Variants in ACTN2 observed in about 807,000 individuals in gnomAD.
The protein encoded by ACTN2 is alpha-actinin-2.
Under a neutral mutation model 113.8 loss-of-function variants are expected in ACTN2, and 39 were observed. The ratio of observed to expected loss-of-function variants is 0.34; its 90% CI spans 0.27 to 0.45. The LOEUF (loss-of-function observed/expected upper bound fraction) is 0.45, where lower values mean the gene tolerates loss of function less well. ACTN2 is among the 20% of genes least tolerant of loss of function. ACTN2 has a pLI of 1.00. For synonymous variants in ACTN2, 429 were observed against 444.1 expected (o/e 0.97, Z 0.43); for missense variants, 992 against 1,177.9 (o/e 0.84, Z 2.31).
In ACTN2 at chr1:236,731,326, A is replaced by G. The variant is rs1658706939; in HGVS notation, c.697+12A>G. 1 of 1,609,588 alleles carries G rather than the reference A, an allele frequency of 6.2e-7. No individual in the cohort carries two copies. The highest frequency in any genetic ancestry group is 8.5e-7 in the Non-Finnish European group (1 of 1,175,898). On this transcript the variant is annotated intron_variant, in intron 7 of 20. Transcript: ENST00000366578. ...GTTGGATGCTGAAGGTGAGATGAAA[A>G]TTGTGTTTGCTGAGTTACAGGAAAT...
At position 236,754,934 on chromosome 1, in the gene ACTN2, G is replaced by T; in HGVS notation, c.1975-85G>T. The T allele has an allele frequency of 1.3e-6, 2 of 1,531,280 alleles. No homozygotes were observed. The highest frequency in any genetic ancestry group is 2.2e-5 in the East Asian group (1 of 44,454). 94.9% of individuals were successfully genotyped at this position (1,531,280 alleles called of 1,614,324 possible). A position where few individuals can be genotyped will look rare whatever the true frequency, so the allele number is the denominator to read the frequency against. On this transcript the variant is annotated intron_variant, in intron 16 of 20. Transcript: ENST00000366578. This position sits in a 1 kb window ranked among gnomAD's most constrained non-coding sequence, Gnocchi z 4.9. Reference sequence around the variant, plus strand: ...GACGCTGGCCTAGCATCCCATGCAGGGTCTGGAACGGCGCCTCGTGCCGAG... The same window carrying T: ...GACGCTGGCCTAGCATCCCATGCAGTGTCTGGAACGGCGCCTCGTGCCGAG...
chr1:236,707,575 A>C (rs893331035), intron 1 of ACTN2, among the ~76,000 whole-genome samples: 1 of 151,758 alleles, frequency 6.6e-6, no homozygotes, highest in Admixed American at 6.6e-5. Context: ...TCTTCTTTGT[A>C]TTTCTATGGC....
chr1:236,720,349 AC>A (rs1328936906), intron 4 of ACTN2, among the ~76,000 whole-genome samples, 158 bp downstream of exon 4: 5 of 152,212 alleles, frequency 3.3e-5, no homozygotes, highest in African/African-American at 1.2e-4. Context: ...ATAGGAAAAG[AC>A]CTCGGCAGCA....
chr1:236,752,196 T>C (rs1161603891), intron 15 of ACTN2, among the ~76,000 whole-genome samples: 2 of 152,198 alleles, frequency 1.3e-5, no homozygotes, highest in African/African-American at 2.4e-5. Context: ...TTGTCTGATT[T>C]TTAAGATTGG....
intron 1 of ACTN2, among the ~76,000 whole-genome samples, chr1:236,703,433 C>CTTTT (rs35432183): frequency 4.0e-5 from 4 of 98,828 alleles, no homozygotes; most frequent in East Asian, 3.0e-4. Context: ...GGCCTACTAC[C>CTTTT]TTTTTTTTTT....
intron 15 of ACTN2, 24 bp downstream of exon 15, chr1:236,751,676 G>A (rs1214275044): frequency 4.3e-6 from 7 of 1,613,574 alleles, no homozygotes; most frequent in Non-Finnish European, 5.9e-6. Context: ...GGCCTGGTGT[G>A]GGACCAGGGG....
intron 6 of ACTN2, among the ~76,000 whole-genome samples, 169 bp from the exon 7 acceptor site, chr1:236,731,064 C>T (rs1008694721): frequency 3.3e-5 from 5 of 152,028 alleles, no homozygotes; most frequent in African/African-American, 1.2e-4. Flanking sequence ...TTTGATGTTT[C>T]TCTAAATGTT....
At chr1:236,735,788 T>A in intron 8 of ACTN2, 68 bp downstream of exon 8, 1 of 1,329,944 alleles carries the variant, frequency 7.5e-7, no homozygotes, top group Non-Finnish European at 1.1e-6. Flanking sequence ...TGTGCATACT[T>A]GAGTGTGTGT....
At chr1:236,704,399 G>C (rs1657765428) in intron 1 of ACTN2, among the ~76,000 whole-genome samples, 1 of 152,208 alleles carries the variant, frequency 6.6e-6, no homozygotes, top group Non-Finnish European at 1.5e-5. Context: ...GTGTACTCCA[G>C]TGTATTTGAT....
At chr1:236,730,533 A>C (rs1558237134) in intron 6 of ACTN2, among the ~76,000 whole-genome samples, 1 of 152,064 alleles carries the variant, frequency 6.6e-6, no homozygotes. Flanking sequence ...ATTTCTTTTG[A>C]ATTTCTCTAG....
intron 1 of ACTN2, among the ~76,000 whole-genome samples, chr1:236,688,360 C>A (rs1665948764): frequency 6.7e-6 from 1 of 149,710 alleles, no homozygotes; most frequent in Non-Finnish European, 1.5e-5. Flanking sequence ...GGTCTAATCA[C>A]AGTGCTTTCT....
intron 9 of ACTN2, among the ~76,000 whole-genome samples, chr1:236,737,932 C>T (rs980497150): frequency 2.6e-5 from 4 of 152,242 alleles, no homozygotes; most frequent in African/African-American, 9.6e-5. Flanking sequence ...GCCACCTCCT[C>T]TCTAAATTGG....
chr1:236,697,255 G>A (rs1212085042), intron 1 of ACTN2, among the ~76,000 whole-genome samples: 2 of 152,164 alleles, frequency 1.3e-5, no homozygotes, highest in African/African-American at 4.8e-5. Flanking sequence ...GAGCTGGGGA[G>A]GTTGAGGCTG....
intron 7 of ACTN2, among the ~76,000 whole-genome samples, chr1:236,732,110 G>C (rs1007203675): frequency 2.0e-5 from 3 of 152,180 alleles, no homozygotes; most frequent in African/African-American, 7.2e-5. Flanking sequence ...AGTGATGTTG[G>C]GGAAAACTAA....
chr1:236,700,610 C>G (rs1240572035), intron 1 of ACTN2, among the ~76,000 whole-genome samples: 1 of 152,156 alleles, frequency 6.6e-6, no homozygotes, highest in East Asian at 1.9e-4. Context: ...GCTCCACTGA[C>G]CATTGCTGTT....
Position 236,759,005 on chromosome 1 carries a change from C to T in ACTN2, c.2302-719C>T, listed in dbSNP as rs1350604880. On this transcript the variant is annotated intron_variant, in intron 18 of 20. Transcript: ENST00000366578. ...TTATGATTTGCAAATGTCCATCAGT[C>T]GTTCCTAAAATGCCTCTGGGCTAGA... is the stretch of plus-strand genomic sequence containing the variant. Among the ~76,000 whole-genome samples the T allele has an allele frequency of 3.9e-5, 6 of 152,300 alleles. No individual in the cohort carries two copies. The East Asian group carries it at 9.6e-4, about 24-fold the overall frequency.
At position 236,695,997 on chromosome 1, in the gene ACTN2, C is replaced by T. The variant is rs145293688; in HGVS notation, c.126+9198C>T. On this transcript the variant is annotated intron_variant, in intron 1 of 20. Transcript: ENST00000366578. ...TTAGTGAATGTGAGAACCAAATGTA[C>T]AAATAGGTGAATATGAGATTGTTTT... 4.8e-3 allele frequency among the ~76,000 whole-genome samples: 728 copies of T among 152,184 alleles called. 8 individuals carry two copies. Among genetic ancestry groups the T allele is most frequent in the African/African-American group, 0.016 (677 of 41,522 alleles).
intron 1 of ACTN2, among the ~76,000 whole-genome samples, chr1:236,704,825 T>A (rs1224753448): frequency 1.3e-5 from 2 of 152,104 alleles, no homozygotes; most frequent in African/African-American, 4.8e-5. Flanking sequence ...AATTGAAGCT[T>A]GGAGAACCGT....
Position 236,739,359 on chromosome 1 carries a change from A to T in ACTN2, c.934A>T (p.Thr312Ser), listed in dbSNP as rs2102922477. 6.2e-7 allele frequency: 1 copy of T among 1,614,052 alleles called. No homozygotes were observed. Among genetic ancestry groups the T allele is most frequent in the Non-Finnish European group, 8.5e-7 (1 of 1,180,014 alleles). The change falls in exon 10 of 21, where the codon ACC becomes TCC. Residue 312 changes from threonine to serine, a missense_variant. Thr to Ser is a moderately conservative substitution (Grantham distance 58). Around this residue, in one of 3 missense-constraint regions of ACTN2, gnomAD observed 736 missense variants for 815.4 expected, o/e 0.90. Transcript: ENST00000366578. ...PWLENRTPEK[T>S]MQAMQKKLED... ...GCTGGAGAACCGGACTCCCGAGAAG[A>T]CCATGCAAGCCATGCAGAAGAAGCT...
Sources: gnomAD v4.1 joint callset for allele counts (sites outside exome capture counted in the v4.1 genomes callset) on GRCh38, gnomAD v4.1.1 for gene constraint, gnomAD v4.1.1 regional missense constraint, Gnocchi (gnomAD v3.1) non-coding constraint, MANE v1.5 for transcripts, NCBI Gene and HGNC (gene_info 2026-07-23, HGNC 2026-07-21) for gene names.